The following RUNX1T1 variants were observed in gnomAD, a reference collection of about 807,000 sequenced individuals.
The protein encoded by RUNX1T1 is protein CBFA2T1.
A neutral mutation model predicts 62.8 loss-of-function variants in RUNX1T1; 4 were observed. That is an observed-to-expected ratio of 0.06 (90% confidence interval 0.03 to 0.15). The LOEUF is 0.15. Ranked by LOEUF, RUNX1T1 falls within the 10% of genes least tolerant of loss-of-function variation. The pLI is 1.00. For missense variants in RUNX1T1, 508 were observed against 754.3 expected (o/e 0.67, Z 3.82); for synonymous variants, 291 against 286.0 (o/e 1.02, Z -0.18).
At chr8:92,082,145 A>C (rs2130825254) in intron 1 of RUNX1T1, among the ~76,000 whole-genome samples, 1 of 152,236 alleles carries the variant, frequency 6.6e-6, no homozygotes, top group Non-Finnish European at 1.5e-5. Flanking sequence ...TCAGCCTCCC[A>C]AAGTACTGGG....
intron 5 of RUNX1T1, among the ~76,000 whole-genome samples, chr8:92,001,686 T>C (rs1177978584): frequency 6.6e-6 from 1 of 152,162 alleles, no homozygotes; most frequent in East Asian, 1.9e-4. Flanking sequence ...AAAGCAAAGA[T>C]TATTTGGTTT....
At chr8:91,979,234 A>G (rs1225937527) in intron 8 of RUNX1T1, among the ~76,000 whole-genome samples, 1 of 152,212 alleles carries the variant, frequency 6.6e-6, no homozygotes, top group Admixed American at 6.5e-5. Flanking sequence ...AGCAGCAGCA[A>G]TATCAAAATC....
At chr8:92,007,234 G>A (rs543169838) in intron 4 of RUNX1T1, among the ~76,000 whole-genome samples, 1 of 152,266 alleles carries the variant, frequency 6.6e-6, no homozygotes, top group Admixed American at 6.5e-5. Context: ...CAGAGGCTGA[G>A]GTGGGTGTAT....
At chr8:91,991,616 G>A (rs766391825) in intron 6 of RUNX1T1, 23 bp downstream of exon 7, 2 of 1,603,062 alleles carry the variant, frequency 1.2e-6, no homozygotes, top group African/African-American at 1.3e-5. Flanking sequence ...CCCGTAAGAA[G>A]TGAACAGGTC....
chr8:92,004,105 A>T (rs1415506405), intron 5 of RUNX1T1, among the ~76,000 whole-genome samples: 1 of 152,240 alleles, frequency 6.6e-6, no homozygotes, highest in Non-Finnish European at 1.5e-5. Flanking sequence ...TAGCTAAGTC[A>T]GTCACAAATA....
chr8:91,987,211 T>C (rs1009918612), intron 6 of RUNX1T1, among the ~76,000 whole-genome samples: 1 of 152,154 alleles, frequency 6.6e-6, no homozygotes, highest in Non-Finnish European at 1.5e-5. Context: ...ATTTTACACA[T>C]AAGGAGACAG....
chr8:92,053,106 T>G (rs1052393674), intron 1 of RUNX1T1, among the ~76,000 whole-genome samples: 8 of 152,014 alleles, frequency 5.3e-5, no homozygotes, highest in African/African-American at 1.9e-4. Flanking sequence ...GCAGAAACAT[T>G]CAAAGAGAGC....
At chr8:92,062,083 T>TC (rs1479382926) in intron 1 of RUNX1T1, among the ~76,000 whole-genome samples, 3 of 152,192 alleles carry the variant, frequency 2.0e-5, no homozygotes, top group African/African-American at 7.2e-5. Context: ...TCCTTGTAGT[T>TC]CCAAAGCTTC....
At chr8:92,032,456 A>G (rs1445782242) in intron 1 of RUNX1T1, among the ~76,000 whole-genome samples, 1 of 152,188 alleles carries the variant, frequency 6.6e-6, no homozygotes. Flanking sequence ...GAGAAAAGAG[A>G]CAATAACCAT....
At chr8:92,039,158 T>C (rs1827971226) in intron 1 of RUNX1T1, among the ~76,000 whole-genome samples, 2 of 151,660 alleles carry the variant, frequency 1.3e-5, no homozygotes, top group Non-Finnish European at 2.9e-5. Flanking sequence ...TTTTTTTTTT[T>C]TTGAGACAGA....
At chr8:92,078,944 CT>C (rs1269495440) in intron 1 of RUNX1T1, among the ~76,000 whole-genome samples, 2 of 152,182 alleles carry the variant, frequency 1.3e-5, no homozygotes, top group Admixed American at 6.5e-5. Flanking sequence ...GCAAATCATT[CT>C]TGTATCAGTT....
intron 8 of RUNX1T1, among the ~76,000 whole-genome samples, chr8:91,985,879 T>A (rs1211178854): frequency 1.3e-5 from 2 of 152,174 alleles, no homozygotes; most frequent in Non-Finnish European, 2.9e-5. Context: ...TCTGGTTCAG[T>A]GCTGAAACGC....
chr8:92,015,937 C>T (rs940795846), intron 2 of RUNX1T1, among the ~76,000 whole-genome samples: 2 of 152,138 alleles, frequency 1.3e-5, no homozygotes, highest in Non-Finnish European at 2.9e-5. Flanking sequence ...TAAGATGACA[C>T]GGTTACAACT....
At chr8:92,052,036 G>A (rs1359219224) in intron 1 of RUNX1T1, among the ~76,000 whole-genome samples, 1 of 152,176 alleles carries the variant, frequency 6.6e-6, no homozygotes, top group East Asian at 1.9e-4. Context: ...TTTATCACAG[G>A]AGGCAGAGGC....
intron 1 of RUNX1T1, among the ~76,000 whole-genome samples, chr8:92,054,836 T>C (rs984583259): frequency 7.9e-5 from 12 of 151,376 alleles, no homozygotes; most frequent in African/African-American, 2.7e-4. Context: ...TCTACTAAAA[T>C]ACAACAACAA....
chr8:91,961,293 A>G (rs1810399402), intron 10 of RUNX1T1, among the ~76,000 whole-genome samples: 1 of 152,238 alleles, frequency 6.6e-6, no homozygotes, highest in African/African-American at 2.4e-5. Flanking sequence ...GCTTTGAGAA[A>G]TGAGAAATGC....
In RUNX1T1 at chr8:92,005,316, A is replaced by T. The variant is rs774033572; in HGVS notation, c.478-19T>A. The stretch of plus-strand genomic sequence containing the variant: ...AGTTGGCCTGCAAGGGAATGACAGG[A>T]ATGAGAGGACGGACTGAAAGTTTTC... On this transcript the variant is annotated intron_variant, in intron 4 of 10. Transcript: ENST00000396218. The T allele has an allele frequency of 6.2e-7, 1 of 1,606,886 alleles. No individual in the cohort carries two copies. The highest frequency in any genetic ancestry group is 8.5e-7 in the Non-Finnish European group (1 of 1,177,936).
intron 8 of RUNX1T1, among the ~76,000 whole-genome samples, chr8:91,982,267 C>T (rs547319234): frequency 6.1e-5 from 9 of 147,534 alleles, no homozygotes; most frequent in African/African-American, 1.5e-4. Context: ...TTAACCCTAA[C>T]GATGTGGAAG....
At chr8:91,998,287 C>G (rs994272018) in intron 5 of RUNX1T1, among the ~76,000 whole-genome samples, 12 of 152,114 alleles carry the variant, frequency 7.9e-5, no homozygotes, top group African/African-American at 2.9e-4. Context: ...AAAATCAAAC[C>G]TAATTCTTCA....
Sources: allele counts gnomAD v4.1 joint callset (sites outside exome capture counted in the v4.1 genomes callset), GRCh38; gene constraint gnomAD v4.1.1; transcripts MANE v1.5; gene names NCBI Gene and HGNC (gene_info 2026-07-23, HGNC 2026-07-21).